EXOC6B: variants seen among roughly 807,000 people sequenced by gnomAD.
EXOC6B encodes exocyst complex component 6B.
Under a neutral mutation model 113.5 loss-of-function variants are expected in EXOC6B, and 54 were observed. The observed-to-expected ratio is 0.48, with a 90% CI of 0.38 to 0.60. The LOEUF is 0.60. EXOC6B is among the 20% of genes least tolerant of loss of function. The pLI, the probability that EXOC6B is intolerant of heterozygous loss-of-function variation, is 0.00. For synonymous variants in EXOC6B, 357 were observed against 339.0 expected (o/e 1.05, Z -0.58); for missense variants, 797 against 977.5 (o/e 0.82, Z 2.46).
intron 19 of EXOC6B, chr2:72,354,208 C>T (rs988250020): frequency 6.6e-6 from 1 of 152,120 alleles, no homozygotes; most frequent in African/African-American, 2.4e-5. Flanking sequence ...GGAATAAGTA[C>T]CATATTTACC....
At chr2:72,565,804 G>A (rs1309766278) in intron 7 of EXOC6B, among the ~76,000 whole-genome samples, 1 of 152,106 alleles carries the variant, frequency 6.6e-6, no homozygotes, top group African/African-American at 2.4e-5. Context: ...CTCTCTTAAA[G>A]AAGCTGTAAG....
intron 1 of EXOC6B, among the ~76,000 whole-genome samples, chr2:72,789,306 G>A (rs1222959023): frequency 6.6e-6 from 1 of 152,114 alleles, no homozygotes; most frequent in East Asian, 1.9e-4. Flanking sequence ...GGTACATCTA[G>A]CTCCAAGCAA....
At chr2:72,432,822 C>T (rs970589789) in intron 18 of EXOC6B, among the ~76,000 whole-genome samples, 14 of 151,932 alleles carry the variant, frequency 9.2e-5, no homozygotes, top group Admixed American at 2.0e-4. Context: ...CTTTGTCAGA[C>T]GGATAAATTG....
At chr2:72,294,611 T>C (rs1686015077) in intron 20 of EXOC6B, among the ~76,000 whole-genome samples, 1 of 152,190 alleles carries the variant, frequency 6.6e-6, no homozygotes, top group Non-Finnish European at 1.5e-5. Context: ...TCTATTTACA[T>C]TTATTATCAT....
intron 3 of EXOC6B, among the ~76,000 whole-genome samples, chr2:72,732,850 C>T (rs1201422175): frequency 5.3e-5 from 8 of 152,184 alleles, no homozygotes; most frequent in East Asian, 1.9e-4. Context: ...TATGACAAGT[C>T]GATGATTTAA....
chr2:72,411,785 G>T (rs1007927218), intron 18 of EXOC6B, among the ~76,000 whole-genome samples: 1 of 152,088 alleles, frequency 6.6e-6, no homozygotes, highest in East Asian at 1.9e-4. Context: ...CACAGTAAAG[G>T]TGATTCCCGC....
At chr2:72,565,349 T>TAAAAAA (rs10672375) in intron 7 of EXOC6B, among the ~76,000 whole-genome samples, 5 of 45,146 alleles carry the variant, frequency 1.1e-4, no homozygotes, top group African/African-American at 3.0e-4. Flanking sequence ...AGACCCTGTC[T>TAAAAAA]AAAAAAAAAA....
At chr2:72,823,249 A>G (rs2105184516) in intron 1 of EXOC6B, among the ~76,000 whole-genome samples, 1 of 151,642 alleles carries the variant, frequency 6.6e-6, no homozygotes, top group East Asian at 1.9e-4. Context: ...AATGAGTCTC[A>G]AACTTTCTTT....
At chr2:72,670,729 C>A (rs1224887993) in intron 6 of EXOC6B, among the ~76,000 whole-genome samples, 1 of 152,304 alleles carries the variant, frequency 6.6e-6, no homozygotes, top group East Asian at 1.9e-4. Context: ...CCTGGAACAC[C>A]TCTACCTTCT....
chr2:72,590,982 T>C (rs1332304991), intron 6 of EXOC6B, among the ~76,000 whole-genome samples: 1 of 152,022 alleles, frequency 6.6e-6, no homozygotes, highest in Non-Finnish European at 1.5e-5. Context: ...AACATCTCTA[T>C]TACCTGTTCT....
intron 6 of EXOC6B, among the ~76,000 whole-genome samples, chr2:72,594,083 T>G (rs1233956785): frequency 1.3e-5 from 2 of 152,160 alleles, no homozygotes; most frequent in Non-Finnish European, 2.9e-5. Flanking sequence ...TGGTCTCAAC[T>G]GATCCTCCAA....
In EXOC6B at chr2:72,179,073, T is replaced by C. The variant is rs540732631; in HGVS notation, c.*262A>G. The C allele has an allele frequency of 1.0e-5, 4 of 397,322 alleles. No homozygotes were observed. The East Asian group carries it at 1.8e-4, about 18-fold the overall frequency. 24.6% of individuals were successfully genotyped at this position (397,322 alleles called of 1,614,324 possible). On this transcript the variant is annotated 3_prime_UTR_variant, in exon 22 of 22. Coordinates refer to ENST00000272427, the MANE Select transcript of EXOC6B (RefSeq NM_015189.3). ...AGGTGGTTCATCACTGTGGAATTGA[T>C]GATACCACCATCTCTAAGATAACAC...
At chr2:72,701,201 G>A (rs533652229) in intron 6 of EXOC6B, among the ~76,000 whole-genome samples, 82 of 151,684 alleles carry the variant, frequency 5.4e-4, no homozygotes, top group African/African-American at 1.8e-3. Context: ...AAATTAGCTG[G>A]GCATGGTTGT....
intron 6 of EXOC6B, among the ~76,000 whole-genome samples, chr2:72,645,564 A>G (rs937473380): frequency 6.6e-6 from 1 of 152,210 alleles, no homozygotes; most frequent in Non-Finnish European, 1.5e-5. Flanking sequence ...AGCAAATATA[A>G]AAGAACAGAA....
chr2:72,212,442 G>A (rs1394334952), intron 20 of EXOC6B, among the ~76,000 whole-genome samples: 1 of 152,134 alleles, frequency 6.6e-6, no homozygotes, highest in Non-Finnish European at 1.5e-5. Flanking sequence ...AGGACTTGGA[G>A]TTGCTGGTAC....
intron 6 of EXOC6B, among the ~76,000 whole-genome samples, chr2:72,625,064 T>TC (rs1671968302): frequency 7.5e-6 from 1 of 133,840 alleles, no homozygotes; most frequent in African/African-American, 2.8e-5. Context: ...AAGTTTTTTT[T>TC]TGGGGGGGGG....
intron 19 of EXOC6B, among the ~76,000 whole-genome samples, chr2:72,351,635 A>T (rs1236290152): frequency 6.6e-6 from 1 of 152,172 alleles, no homozygotes; most frequent in Non-Finnish European, 1.5e-5. Context: ...TGTTTATCTG[A>T]AACTCACTTT....
At chr2:72,660,767 T>C (rs560491206) in intron 6 of EXOC6B, among the ~76,000 whole-genome samples, 32 of 152,024 alleles carry the variant, frequency 2.1e-4, no homozygotes, top group Middle Eastern at 3.4e-3. Flanking sequence ...AGTAGGTAGA[T>C]TGAGGAAGAA....
At chr2:72,792,280 A>G (rs1311574502) in intron 1 of EXOC6B, among the ~76,000 whole-genome samples, 4 of 152,232 alleles carry the variant, frequency 2.6e-5, no homozygotes, top group Admixed American at 2.6e-4. Context: ...GTCTAGGTGT[A>G]GAACTGATCT....
Sources: allele counts gnomAD v4.1 joint callset (sites outside exome capture counted in the v4.1 genomes callset), GRCh38; gene constraint gnomAD v4.1.1; transcripts MANE v1.5; gene names NCBI Gene and HGNC (gene_info 2026-07-23, HGNC 2026-07-21).